Variants in CNTNAP3B observed in about 807,000 individuals in gnomAD.
CNTNAP3B encodes the protein contactin-associated protein-like 3B.
A neutral mutation model predicts 108.9 loss-of-function variants in CNTNAP3B; 25 were observed. The observed-to-expected ratio is 0.23, with a 90% confidence interval of 0.17 to 0.32. CNTNAP3B has a LOEUF of 0.32. Ranked by LOEUF, CNTNAP3B falls within the 10% of genes least tolerant of loss-of-function variation. CNTNAP3B has a pLI of 1.00. For missense variants in CNTNAP3B, 252 were observed against 1,210.4 expected (o/e 0.21, Z 11.75); for synonymous variants, 103 against 473.4 (o/e 0.22, Z 10.16).
chr9:41,990,576 C>CA (rs1825787325), intron 8 of CNTNAP3B, among the ~76,000 whole-genome samples: 2 of 123,814 alleles, frequency 1.6e-5, no homozygotes, highest in South Asian at 2.6e-4. Context: ...CTCTTACAGC[C>CA]AAAAGGAATC....
At position 42,119,622 on chromosome 9, in the gene CNTNAP3B, C is replaced by T. The variant is rs1828411538; in HGVS notation, c.85+9388G>A. 1.5e-5 allele frequency among the ~76,000 whole-genome samples: 2 copies of T among 135,536 alleles called. 1 individual carries two copies. The highest frequency in any genetic ancestry group is 4.9e-4 in the South Asian group (2 of 4,110). The allele number at this position is 135,536 out of a possible 152,430, so 88.9% of individuals were successfully genotyped here. ...AACCAAAACAGCATGGCACTGGTAC[C>T]AAAACAGAGATATAGAAAAACAGAA... On this transcript the variant is annotated intron_variant, in intron 1 of 23. Coordinates refer to ENST00000377561, the MANE Select transcript of CNTNAP3B (RefSeq NM_001201380.3).
chr9:42,043,172 CT>C (rs34086655), intron 3 of CNTNAP3B, among the ~76,000 whole-genome samples: 9,321 of 79,030 alleles, frequency 0.12, 218 homozygotes, highest in East Asian at 0.23. Context: ...TTCTTTTATT[CT>C]TTTTTTTTTT....
chr9:42,115,401 G>C (rs1268268978), intron 1 of CNTNAP3B, among the ~76,000 whole-genome samples: 1 of 136,992 alleles, frequency 7.3e-6, no homozygotes, highest in East Asian at 2.2e-4. Context: ...TCTGAGAATG[G>C]AAAGACTGCC....
rs1363454941 is a variant in CNTNAP3B, at chr9:42,057,597, TA to T, written c.390+19271del. On this transcript the variant is annotated intron_variant, in intron 3 of 23. Transcript: ENST00000377561. ...ATCCTTTTATGAAAATTAATTTTTT[TA>T]AATTTGATGAATAAAATATGTATGC... Among the ~76,000 whole-genome samples, 3 of 117,882 alleles carry T rather than the reference TA, an allele frequency of 2.5e-5. 1 individual carries two copies. The East Asian group carries it at 8.9e-4, about 35-fold the overall frequency. The allele number at this position is 117,882 out of a possible 152,430, so 77.3% of individuals were successfully genotyped here.
chr9:42,080,964 A>ATGCTT (rs1827599830), intron 2 of CNTNAP3B, among the ~76,000 whole-genome samples: 21 of 64,572 alleles, frequency 3.3e-4, no homozygotes, highest in African/African-American at 1.4e-3. Flanking sequence ...AAACAGGGGA[A>ATGCTT]GCAGTTAGGT....
chr9:42,029,427 A>C lies in CNTNAP3B; in HGVS notation c.391-15902T>G, dbSNP rs1826472568. 1.6e-5 allele frequency among the ~76,000 whole-genome samples: 2 copies of C among 127,076 alleles called. 1 individual carries two copies. The highest frequency in any genetic ancestry group is 3.3e-5 in the Non-Finnish European group (2 of 61,110). 83.4% of individuals were successfully genotyped at this position (127,076 alleles called of 152,430 possible). On this transcript the variant is annotated intron_variant, in intron 3 of 23. Coordinates refer to ENST00000377561, the MANE Select transcript of CNTNAP3B (RefSeq NM_001201380.3). ...TGTTTGTTTTTAGCAGAGAATAACA[A>C]AGAAAAAACAAAATATGGTTCACAG...
At chr9:41,979,115 G>A (rs2118299419) in intron 9 of CNTNAP3B, among the ~76,000 whole-genome samples, 1 of 134,276 alleles carries the variant, frequency 7.4e-6, no homozygotes, top group South Asian at 2.5e-4. Flanking sequence ...CTGAGGCGTT[G>A]TTCCTGCATG....
intron 18 of CNTNAP3B, among the ~76,000 whole-genome samples, chr9:41,917,616 T>G (rs1823549673): frequency 6.9e-6 from 1 of 144,466 alleles, no homozygotes; most frequent in Non-Finnish European, 1.5e-5. Context: ...GTGGAGAAAC[T>G]GTTCCTTACA....
chr9:41,941,291 A>G (rs1007081977), intron 13 of CNTNAP3B, among the ~76,000 whole-genome samples: 2 of 148,186 alleles, frequency 1.3e-5, no homozygotes, highest in African/African-American at 5.0e-5. Flanking sequence ...AAAATAACAC[A>G]ACGAGAAATT....
chr9:41,977,371 G>A (rs571033751), intron 9 of CNTNAP3B, among the ~76,000 whole-genome samples: 24 of 145,306 alleles, frequency 1.7e-4, no homozygotes, highest in Admixed American at 3.4e-4. Context: ...GAAATGATAG[G>A]TCTTGGATAT....
At chr9:41,941,001 C>A (rs541332077) in intron 13 of CNTNAP3B, among the ~76,000 whole-genome samples, 1 of 151,838 alleles carries the variant, frequency 6.6e-6, no homozygotes, top group South Asian at 2.1e-4. Context: ...ATAGACTATC[C>A]TTATCAATTT....
At chr9:42,079,873 C>G (rs1827576200) in intron 2 of CNTNAP3B, among the ~76,000 whole-genome samples, 1 of 133,878 alleles carries the variant, frequency 7.5e-6, no homozygotes, top group Non-Finnish European at 1.6e-5. Context: ...ATGCTAACAG[C>G]CAACCCATCA....
At chr9:42,103,203 G>A (rs565522257) in intron 2 of CNTNAP3B, among the ~76,000 whole-genome samples, 28 of 141,376 alleles carry the variant, frequency 2.0e-4, no homozygotes, top group African/African-American at 7.8e-4. Flanking sequence ...AGGCTCTGCA[G>A]CAATAGAATC....
At chr9:41,917,958 C>T (rs200818297) in intron 18 of CNTNAP3B, among the ~76,000 whole-genome samples, 7,278 of 137,260 alleles carry the variant, frequency 0.053, no homozygotes, top group Admixed American at 0.14. Flanking sequence ...GCCTCAAACT[C>T]TCACTGTTAT....
At chr9:41,916,263 T>C (rs1444061316) in intron 18 of CNTNAP3B, among the ~76,000 whole-genome samples, 1 of 148,834 alleles carries the variant, frequency 6.7e-6, no homozygotes, top group Non-Finnish European at 1.5e-5. Flanking sequence ...AATATATTTC[T>C]ATAGGCCCAA....
At chr9:42,057,525 G>C (rs1440984518) in intron 3 of CNTNAP3B, among the ~76,000 whole-genome samples, 1 of 125,888 alleles carries the variant, frequency 7.9e-6, no homozygotes, top group Non-Finnish European at 1.7e-5. Context: ...TTTCTAATTG[G>C]TAAGACTAAC....
At position 42,126,170 on chromosome 9, in the gene CNTNAP3B, T is replaced by TA. The variant is rs1386185063; in HGVS notation, c.85+2839dup. On this transcript the variant is annotated intron_variant, in intron 1 of 23. Coordinates refer to ENST00000377561, the MANE Select transcript of CNTNAP3B (RefSeq NM_001201380.3). ...GGCTGGCTGGCGAACTTGCAAAACA[T>TA]AACCATTTAGGGGAAAAAATTGAGG... Among the ~76,000 whole-genome samples, 2 of 134,944 alleles carry TA rather than the reference T, an allele frequency of 1.5e-5. 1 individual carries two copies. Among genetic ancestry groups the TA allele is most frequent in the African/African-American group, 6.0e-5 (2 of 33,310 alleles). The allele number at this position is 134,944 out of a possible 152,430, so 88.5% of individuals were successfully genotyped here. A position where few individuals can be genotyped will look rare whatever the true frequency, so the allele number is the denominator to read the frequency against.
At chr9:41,951,910 C>G (rs1395593430) in intron 13 of CNTNAP3B, among the ~76,000 whole-genome samples, 1 of 152,232 alleles carries the variant, frequency 6.6e-6, no homozygotes, top group African/African-American at 2.4e-5. Flanking sequence ...AACCCCGTCT[C>G]TACTAAAAAT....
Position 42,094,569 on chromosome 9 carries a change from C to G in CNTNAP3B, c.196+10060G>C, listed in dbSNP as rs560853211. ...ACTCGGGAGGCTGAGGTGGGAGGAT[C>G]ACCTGAGCCCACGGAGGTTGAGGCT... On this transcript the variant is annotated intron_variant, in intron 2 of 23. Coordinates refer to ENST00000377561, the MANE Select transcript of CNTNAP3B (RefSeq NM_001201380.3). 8.9e-4 allele frequency among the ~76,000 whole-genome samples: 117 copies of G among 131,144 alleles called. 18 individuals are homozygous for G. Among genetic ancestry groups the G allele is most frequent in the South Asian group, 5.1e-4 (2 of 3,946 alleles). 86.0% of individuals were successfully genotyped at this position (131,144 alleles called of 152,430 possible).
Sources: gnomAD v4.1 joint callset for allele counts (sites outside exome capture counted in the v4.1 genomes callset) on GRCh38, gnomAD v4.1.1 for gene constraint, MANE v1.5 for transcripts, NCBI Gene and HGNC (gene_info 2026-07-23, HGNC 2026-07-21) for gene names.